The following CACNA2D3 variants were observed in gnomAD, a reference collection of about 807,000 sequenced individuals.
CACNA2D3 encodes voltage-dependent calcium channel subunit alpha-2/delta-3.
Under a neutral mutation model 160.6 loss-of-function variants are expected in CACNA2D3, and 60 were observed. That is an observed-to-expected ratio of 0.37 (90% CI 0.30 to 0.46). The LOEUF is 0.46. Ranked by LOEUF, CACNA2D3 falls within the 20% of genes least tolerant of loss-of-function variation. The pLI, the probability that CACNA2D3 is intolerant of heterozygous loss-of-function variation, is 1.00. For synonymous variants in CACNA2D3, 558 were observed against 492.9 expected (o/e 1.13, Z -1.75); for missense variants, 1,205 against 1,365.0 (o/e 0.88, Z 1.85).
intron 5 of CACNA2D3, among the ~76,000 whole-genome samples, chr3:54,534,589 A>G (rs1701858338): frequency 6.6e-6 from 1 of 151,922 alleles, no homozygotes; most frequent in Non-Finnish European, 1.5e-5. Context: ...CTACATCCTC[A>G]GAAATGCTGT....
chr3:54,750,791 C>A (rs566774405), intron 11 of CACNA2D3, among the ~76,000 whole-genome samples: 9 of 143,638 alleles, frequency 6.3e-5, no homozygotes, highest in Middle Eastern at 3.8e-3. Context: ...TTTTTTTTGA[C>A]ATAGGCCCTC....
intron 6 of CACNA2D3, among the ~76,000 whole-genome samples, chr3:54,563,264 C>T (rs746256189): frequency 2.6e-5 from 4 of 152,180 alleles, no homozygotes; most frequent in African/African-American, 7.2e-5. Context: ...ATTACCAATA[C>T]TGCTGCTGTT....
rs57761171 is a variant in CACNA2D3 at position 54,171,136 on chromosome 3, C to CTTTTTTTTTTTTTTTTTTTTTTTTT, written c.204+47564_204+47565insTTTTTTTTTTTTTTTTTTTTTTTTT. ...TCTGTTTACATTTTAAAGATGATGACTTTTTTTTTTTTTTTTTTTTTTAGG... is the reference window on the plus strand; with the variant it reads ...TCTGTTTACATTTTAAAGATGATGACTTTTTTTTTTTTTTTTTTTTTTTTTTTTTTTTTTTTTTTTTTTTTTTAGG... On this transcript the variant is annotated intron_variant, in intron 2 of 37. Transcript: ENST00000474759. 2.9e-4 allele frequency among the ~76,000 whole-genome samples: 18 copies of CTTTTTTTTTTTTTTTTTTTTTTTTT among 62,554 alleles called. 4 individuals are homozygous for CTTTTTTTTTTTTTTTTTTTTTTTTT. The highest frequency in any genetic ancestry group is 5.5e-4 in the African/African-American group (10 of 18,058). 41.0% of individuals were successfully genotyped at this position (62,554 alleles called of 152,430 possible).
At chr3:54,164,602 A>C (rs1700415452) in intron 2 of CACNA2D3, among the ~76,000 whole-genome samples, 1 of 152,104 alleles carries the variant, frequency 6.6e-6, no homozygotes, top group African/African-American at 2.4e-5. Context: ...GCCATTATCA[A>C]GTTCAGGGTG....
Position 54,885,275 on chromosome 3 carries a change from C to T in CACNA2D3, c.1913-6C>T, listed in dbSNP as rs779986714. The T allele has an allele frequency of 7.4e-6, 12 of 1,613,754 alleles. No individual in the cohort carries two copies. Among genetic ancestry groups the T allele is most frequent in the Non-Finnish European group, 1.0e-5 (12 of 1,179,754 alleles). ...TATTCATGAACCCCTTCTCCTTGAC[C>T]CCCAGGCCTGCATGACTTAGAACAT... On this transcript the variant is annotated splice_polypyrimidine_tract_variant and splice_region_variant and intron_variant, in intron 21 of 37. Coordinates refer to ENST00000474759, the MANE Select transcript of CACNA2D3 (RefSeq NM_018398.3).
rs1050636376 is a variant in CACNA2D3, at chr3:55,074,501, C to T, written c.*295C>T. The T allele has an allele frequency of 5.8e-6, 2 of 343,556 alleles. No individual in the cohort carries two copies. The highest frequency in any genetic ancestry group is 1.1e-5 in the Non-Finnish European group (2 of 187,268). 21.3% of individuals were successfully genotyped at this position (343,556 alleles called of 1,614,324 possible). On this transcript the variant is annotated 3_prime_UTR_variant, in exon 38 of 38. Transcript: ENST00000474759. ...AGGCAGTGTCCCTTCTGCTTGAAAC[C>T]TATTGAAACCAATTTAAAACTGTGT...
chr3:54,695,176 C>T (rs995985315), intron 11 of CACNA2D3, among the ~76,000 whole-genome samples: 3 of 152,100 alleles, frequency 2.0e-5, no homozygotes, highest in African/African-American at 2.4e-5. Context: ...CACCACCATG[C>T]GCAGCTAATT....
chr3:54,970,737 G>A (rs1702258023), intron 29 of CACNA2D3, among the ~76,000 whole-genome samples: 1 of 150,766 alleles, frequency 6.6e-6, no homozygotes, highest in South Asian at 2.1e-4. Context: ...TCTGCCTTAT[G>A]TTTTTATACC....
intron 12 of CACNA2D3, among the ~76,000 whole-genome samples, chr3:54,762,986 G>A (rs374246982): frequency 6.6e-6 from 1 of 151,864 alleles, no homozygotes; most frequent in African/African-American, 2.4e-5. Context: ...TACTCAGGAG[G>A]CTGAAGCAGG....
intron 2 of CACNA2D3, among the ~76,000 whole-genome samples, chr3:54,247,137 C>T (rs922393840): frequency 4.6e-5 from 7 of 152,120 alleles, no homozygotes; most frequent in Non-Finnish European, 8.8e-5. Context: ...CATGGTGAAA[C>T]CCTGTCTACT....
intron 11 of CACNA2D3, among the ~76,000 whole-genome samples, chr3:54,709,771 T>C (rs1700921743): frequency 6.6e-6 from 1 of 152,022 alleles, no homozygotes; most frequent in Admixed American, 6.6e-5. Context: ...CAAAAAAATT[T>C]GAAAATTAGC....
chr3:54,253,515 A>AAAGGGATGGTACTAAACCATTCAT (rs1702235671), intron 2 of CACNA2D3, among the ~76,000 whole-genome samples: 1 of 152,154 alleles, frequency 6.6e-6, no homozygotes, highest in Admixed American at 6.5e-5. Flanking sequence ...GAACACCACC[A>AAAGGGATGGTACTAAACCATTCAT]AAGGGATGGT....
intron 2 of CACNA2D3, among the ~76,000 whole-genome samples, chr3:54,127,062 C>T (rs1699609050): frequency 6.6e-6 from 1 of 152,184 alleles, no homozygotes; most frequent in Admixed American, 6.5e-5. Context: ...CTGGCTGATT[C>T]TCATTTCATC....
At chr3:54,753,972 C>G (rs72874204) in intron 12 of CACNA2D3, among the ~76,000 whole-genome samples, 29,624 of 152,108 alleles carry the variant, frequency 0.19, 3,130 homozygotes, top group African/African-American at 0.24. Context: ...CTCTTGAACT[C>G]ATTTCTTCTG....
At chr3:54,268,607 A>C (rs1199264003) in intron 2 of CACNA2D3, among the ~76,000 whole-genome samples, 2 of 152,056 alleles carry the variant, frequency 1.3e-5, no homozygotes, top group South Asian at 2.1e-4. Flanking sequence ...ATGGGGTTTC[A>C]TCATATTGGC....
At chr3:54,753,925 T>C (rs1411341193) in intron 12 of CACNA2D3, among the ~76,000 whole-genome samples, 1 of 152,222 alleles carries the variant, frequency 6.6e-6, no homozygotes, top group Non-Finnish European at 1.5e-5. Context: ...ATATAACACA[T>C]TGTTATTAAC....
Position 55,074,501 on chromosome 3 carries a change from C to CTATTGAAACCAATTTAA in CACNA2D3, c.*296_*312dup. ...AGGCAGTGTCCCTTCTGCTTGAAAC[C>CTATTGAAACCAATTTAA]TATTGAAACCAATTTAAAACTGTGT... On this transcript the variant is annotated 3_prime_UTR_variant, in exon 38 of 38. Coordinates refer to ENST00000474759, the MANE Select transcript of CACNA2D3 (RefSeq NM_018398.3). The CTATTGAAACCAATTTAA allele has an allele frequency of 2.9e-6, 1 of 343,672 alleles. No homozygotes were observed. The highest frequency in any genetic ancestry group is 5.3e-6 in the Non-Finnish European group (1 of 187,260). 21.3% of individuals were successfully genotyped at this position (343,672 alleles called of 1,614,324 possible).
intron 11 of CACNA2D3, among the ~76,000 whole-genome samples, chr3:54,678,177 A>T (rs561054618): frequency 6.6e-6 from 1 of 152,172 alleles, no homozygotes; most frequent in African/African-American, 2.4e-5. Flanking sequence ...CCTCTATTTT[A>T]GACAGACCTT....
chr3:54,831,545 T>C (rs1703877883), intron 14 of CACNA2D3, among the ~76,000 whole-genome samples: 1 of 152,250 alleles, frequency 6.6e-6, no homozygotes, highest in South Asian at 2.1e-4. Flanking sequence ...CTTCTACTCA[T>C]TGTGAAGGCT....
Sources: gnomAD v4.1 joint callset for allele counts (sites outside exome capture counted in the v4.1 genomes callset) on GRCh38, gnomAD v4.1.1 for gene constraint, MANE v1.5 for transcripts, NCBI Gene and HGNC (gene_info 2026-07-23, HGNC 2026-07-21) for gene names.